SLC22A23: variants seen among roughly 807,000 people sequenced by gnomAD.
SLC22A23 encodes the protein ion transporter protein.
Under a neutral mutation model 61.0 loss-of-function variants are expected in SLC22A23, and 26 were observed. The ratio of observed to expected loss-of-function variants is 0.43; its 90% CI spans 0.31 to 0.59. SLC22A23 has a LOEUF of 0.59. Among genes scored for constraint, SLC22A23 ranks in the 20% least tolerant of loss-of-function variants. SLC22A23 has a pLI of 0.11. For missense variants in SLC22A23, 796 were observed against 934.7 expected (o/e 0.85, Z 1.94); for synonymous variants, 430 against 413.9 (o/e 1.04, Z -0.47).
Position 3,341,218 on chromosome 6 carries a change from C to T in SLC22A23, c.914-17216G>A, listed in dbSNP as rs75406557. Among the ~76,000 whole-genome samples the T allele has an allele frequency of 4.1e-3, 617 of 152,254 alleles. 3 individuals carry two copies. The highest frequency in any genetic ancestry group is 0.014 in the African/African-American group (572 of 41,542). ...TTGGAAAGAGGGTTTCTCAGAAAGC[C>T]CTCCCTCCGATCAAGCTGAGAGGAA... On this transcript the variant is annotated intron_variant, in intron 3 of 9. Coordinates refer to ENST00000406686, the MANE Select transcript of SLC22A23 (RefSeq NM_015482.2).
At chr6:3,421,667 C>A (rs1430326563) in intron 1 of SLC22A23, among the ~76,000 whole-genome samples, 1 of 152,060 alleles carries the variant, frequency 6.6e-6, no homozygotes, top group Non-Finnish European at 1.5e-5. Context: ...TCCAAACTTT[C>A]TACGATGAAT....
chr6:3,409,058 T>G (rs1432766227), intron 3 of SLC22A23, among the ~76,000 whole-genome samples: 3 of 152,344 alleles, frequency 2.0e-5, no homozygotes, highest in Middle Eastern at 3.4e-3. Context: ...CTCGCATTAT[T>G]TATTCAAAGA....
In SLC22A23 at chr6:3,410,876, C is replaced by T. The variant is rs1769182116; in HGVS notation, c.759-534G>A. ...CATCTGTCAATTTGTTTCAGCTACA[C>T]GACGAGAAGTAATTTTTAAGGGATC... is the stretch of plus-strand genomic sequence containing the variant. On this transcript the variant is annotated intron_variant, in intron 2 of 9. Transcript: ENST00000406686. The surrounding 1 kb of genome is among the most constrained non-coding windows in gnomAD (Gnocchi z 5.0). Among the ~76,000 whole-genome samples the T allele has an allele frequency of 6.6e-6, 1 of 152,214 alleles. No individual in the cohort carries two copies.
At chr6:3,294,947 C>T (rs928972966) in intron 5 of SLC22A23, among the ~76,000 whole-genome samples, 9 of 152,256 alleles carry the variant, frequency 5.9e-5, no homozygotes, top group Non-Finnish European at 1.2e-4. Context: ...GACCCCTACA[C>T]GTACCTCCAG....
intron 3 of SLC22A23, among the ~76,000 whole-genome samples, chr6:3,389,268 C>CAAA (rs61020784): frequency 4.3e-4 from 14 of 32,594 alleles, no homozygotes; most frequent in Admixed American, 5.3e-4. Flanking sequence ...AACTCTGTCT[C>CAAA]AAAAAAAAAA....
At chr6:3,388,718 T>C (rs144546641) in intron 3 of SLC22A23, among the ~76,000 whole-genome samples, 26 of 152,248 alleles carry the variant, frequency 1.7e-4, no homozygotes, top group East Asian at 3.9e-4. Flanking sequence ...ATGGATACAA[T>C]GGAACATGAT....
At chr6:3,310,262 T>C (rs982841698) in intron 4 of SLC22A23, among the ~76,000 whole-genome samples, 1 of 150,552 alleles carries the variant, frequency 6.6e-6, no homozygotes, top group African/African-American at 2.5e-5. Context: ...GAGCACCCTG[T>C]CTCCCACTGG....
At chr6:3,443,148 G>T (rs1440477199) in intron 1 of SLC22A23, among the ~76,000 whole-genome samples, 1 of 152,248 alleles carries the variant, frequency 6.6e-6, no homozygotes, top group Non-Finnish European at 1.5e-5. Context: ...GAGAGGCAGA[G>T]AAGTTACTGA....
At chr6:3,310,222 G>C (rs1418634884) in intron 4 of SLC22A23, among the ~76,000 whole-genome samples, 1 of 147,180 alleles carries the variant, frequency 6.8e-6, no homozygotes, top group Non-Finnish European at 1.5e-5. Context: ...GGAGCACCCT[G>C]TCTCCCACTG....
Position 3,415,739 on chromosome 6 carries a change from T to C in SLC22A23, c.758+13A>G, listed in dbSNP as rs2127522672. On this transcript the variant is annotated intron_variant, in intron 2 of 9. Transcript: ENST00000406686. ...CCTCCAAAGGTTCGTGCGGCGGGCA[T>C]GTTGGTACTCACCAGTCAGCAATGC... 1 of 1,536,862 alleles carries C rather than the reference T, an allele frequency of 6.5e-7. No homozygotes were observed. The highest frequency in any genetic ancestry group is 1.4e-5 in the African/African-American group (1 of 72,838).
chr6:3,365,371 A>G (rs945661775), intron 3 of SLC22A23, among the ~76,000 whole-genome samples: 2 of 152,212 alleles, frequency 1.3e-5, no homozygotes, highest in African/African-American at 4.8e-5. Context: ...CCAGACGGAC[A>G]TGACCTCTGT....
intron 9 of SLC22A23, among the ~76,000 whole-genome samples, chr6:3,275,442 C>G (rs1370698553): frequency 1.3e-5 from 2 of 151,898 alleles, no homozygotes; most frequent in Non-Finnish European, 2.9e-5. Flanking sequence ...AAAGTAGGAT[C>G]CATAAAAGAA....
chr6:3,361,379 A>G (rs1393276254), intron 3 of SLC22A23, among the ~76,000 whole-genome samples: 1 of 150,638 alleles, frequency 6.6e-6, no homozygotes, highest in Admixed American at 6.6e-5. Flanking sequence ...TCCTCTCTTG[A>G]GAGCTGTCCT....
At position 3,454,621 on chromosome 6, in the gene SLC22A23, T is replaced by C. The variant is rs1441724544; in HGVS notation, c.654+1285A>G. 2.0e-5 allele frequency among the ~76,000 whole-genome samples: 3 copies of C among 152,076 alleles called. No homozygotes were observed. Among genetic ancestry groups the C allele is most frequent in the Admixed American group, 2.0e-4 (3 of 15,272 alleles). The stretch of plus-strand genomic sequence containing the variant: ...AAGGGAAAACAGTCACAGAAACACC[T>C]TTAGAAAGCAGGGGGTAGGAGGTGG... On this transcript the variant is annotated intron_variant, in intron 1 of 9. Transcript: ENST00000406686. The surrounding 1 kb of genome is among the most constrained non-coding windows in gnomAD (Gnocchi z 4.3).
chr6:3,361,018 T>C (rs1198966393), intron 3 of SLC22A23, among the ~76,000 whole-genome samples: 1 of 151,926 alleles, frequency 6.6e-6, no homozygotes. Flanking sequence ...GTGTCCCACA[T>C]TTTATATTCC....
At position 3,333,533 on chromosome 6, in the gene SLC22A23, C is replaced by G. The variant is rs1270709796; in HGVS notation, c.914-9531G>C. 6.6e-6 allele frequency among the ~76,000 whole-genome samples: 1 copy of G among 152,178 alleles called. No homozygotes were observed. Among genetic ancestry groups the G allele is most frequent in the Non-Finnish European group, 1.5e-5 (1 of 68,026 alleles). On this transcript the variant is annotated intron_variant, in intron 3 of 9. Coordinates refer to ENST00000406686, the MANE Select transcript of SLC22A23 (RefSeq NM_015482.2). This position sits in a 1 kb window ranked among gnomAD's most constrained non-coding sequence, Gnocchi z 4.1. The stretch of plus-strand genomic sequence containing the variant: ...TCCTCTAACCCAGCAAGCACACCCC[C>G]CTTCTGGGCTGTGCACTCCCCGTCT...
intron 3 of SLC22A23, among the ~76,000 whole-genome samples, chr6:3,370,062 A>G (rs1391658337): frequency 1.3e-5 from 2 of 152,264 alleles, no homozygotes; most frequent in Non-Finnish European, 2.9e-5. Context: ...TGACTATAAG[A>G]AAATCGGCTA....
At chr6:3,369,705 T>C (rs375136960) in intron 3 of SLC22A23, among the ~76,000 whole-genome samples, 5 of 133,336 alleles carry the variant, frequency 3.7e-5, no homozygotes, top group Admixed American at 3.6e-4. Context: ...AAAAAAAAAG[T>C]AATGGAATAA....
intron 4 of SLC22A23, among the ~76,000 whole-genome samples, chr6:3,307,091 G>A (rs113210110): frequency 5.9e-5 from 9 of 152,186 alleles, no homozygotes; most frequent in African/African-American, 2.2e-4. Context: ...TTGCTGATGG[G>A]CCATGAACAT....
Sources: gnomAD v4.1 joint callset for allele counts (sites outside exome capture counted in the v4.1 genomes callset) on GRCh38, gnomAD v4.1.1 for gene constraint, Gnocchi (gnomAD v3.1) non-coding constraint, MANE v1.5 for transcripts, NCBI Gene and HGNC (gene_info 2026-07-23, HGNC 2026-07-21) for gene names.